Variants in TRIM24 observed in about 807,000 individuals in gnomAD.
TRIM24 encodes the protein transcription intermediary factor 1-alpha.
Under a neutral mutation model 123.9 loss-of-function variants are expected in TRIM24, and 29 were observed. The ratio of observed to expected loss-of-function variants is 0.23; its 90% CI spans 0.17 to 0.32. The LOEUF is 0.32. Ranked by LOEUF, TRIM24 falls within the 10% of genes least tolerant of loss-of-function variation. TRIM24 has a pLI of 1.00. For synonymous variants in TRIM24, 456 were observed against 461.1 expected, an observed-to-expected ratio of 0.99 and a Z score of 0.14; for missense variants, 932 against 1,295.3, an observed-to-expected ratio of 0.72 and a Z score of 4.31.
chr7:138,525,694 G>C (rs73164641), intron 5 of TRIM24, among the ~76,000 whole-genome samples: 4,031 of 152,114 alleles, frequency 0.026, 68 homozygotes, highest in Non-Finnish European at 0.042. Context: ...TTTAACACTT[G>C]AATAAACCCT....
intron 3 of TRIM24, 147 bp from the exon 4 acceptor site, chr7:138,519,042 C>A: frequency 1.1e-6 from 1 of 874,528 alleles, no homozygotes; most frequent in South Asian, 1.8e-5. Context: ...ATCTTAATAT[C>A]TGTAATTCTT....
chr7:138,512,423 G>T (rs1796309573), intron 2 of TRIM24, among the ~76,000 whole-genome samples: 1 of 152,150 alleles, frequency 6.6e-6, no homozygotes, highest in African/African-American at 2.4e-5. Context: ...GGTTCTCCGT[G>T]AAGGCTCTGC....
intron 14 of TRIM24, 103 bp downstream of exon 14, chr7:138,577,691 G>T: frequency 1.0e-6 from 1 of 958,436 alleles, no homozygotes; most frequent in South Asian, 3.4e-5. Context: ...ATATTTAAAA[G>T]GATTTAAAGA....
chr7:138,559,777 T>C (rs1797387969), intron 9 of TRIM24, among the ~76,000 whole-genome samples: 3 of 152,222 alleles, frequency 2.0e-5, no homozygotes, highest in Non-Finnish European at 4.4e-5. Context: ...TTCCTGCAAC[T>C]TTAACAGCAG....
At chr7:138,582,466 T>C (rs577170943) in intron 17 of TRIM24, among the ~76,000 whole-genome samples, 187 of 146,556 alleles carry the variant, frequency 1.3e-3, no homozygotes, top group African/African-American at 4.6e-3. Context: ...GGCGTGAACC[T>C]GGGAGGCGGA....
intron 2 of TRIM24, among the ~76,000 whole-genome samples, chr7:138,507,344 A>C (rs1180363615): frequency 1.3e-5 from 2 of 150,076 alleles, no homozygotes; most frequent in African/African-American, 2.4e-5. Context: ...CAGCCATTAT[A>C]TGATTTCATC....
intron 2 of TRIM24, chr7:138,514,508 T>C (rs932919326): frequency 2.0e-5 from 3 of 152,220 alleles, no homozygotes; most frequent in African/African-American, 7.2e-5. Context: ...CTTCGTTCAG[T>C]TCTTTGAACC....
chr7:138,539,094 A>G (rs1301391355), intron 7 of TRIM24, among the ~76,000 whole-genome samples: 4 of 152,194 alleles, frequency 2.6e-5, no homozygotes, highest in Admixed American at 6.5e-5. Flanking sequence ...GATTATCTAT[A>G]GTGTGCCAGG....
At chr7:138,539,434 G>T (rs1401988649) in intron 7 of TRIM24, among the ~76,000 whole-genome samples, 1 of 152,090 alleles carries the variant, frequency 6.6e-6, no homozygotes, top group African/African-American at 2.4e-5. Context: ...GAGGATTCTG[G>T]TCAGGAGATC....
chr7:138,520,357 G>T (rs1469752431), intron 4 of TRIM24, among the ~76,000 whole-genome samples: 1 of 152,172 alleles, frequency 6.6e-6, no homozygotes, highest in Non-Finnish European at 1.5e-5. Flanking sequence ...TCATATCGCT[G>T]GCTCCTCAAG....
At chr7:138,580,879 A>G (rs887546987) in intron 16 of TRIM24, among the ~76,000 whole-genome samples, 185 bp downstream of exon 16, 6 of 152,228 alleles carry the variant, frequency 3.9e-5, no homozygotes, top group African/African-American at 1.4e-4. Flanking sequence ...AAAAAATCAC[A>G]GAATTAATGC....
chr7:138,536,278 G>A (rs2116602760), intron 6 of TRIM24, among the ~76,000 whole-genome samples: 1 of 152,320 alleles, frequency 6.6e-6, no homozygotes, highest in Middle Eastern at 3.4e-3. Flanking sequence ...TTCCTTTGGA[G>A]GGGGAGAGGC....
rs528478165 is a variant in TRIM24, at chr7:138,566,870, G to A, written c.1531-611G>A. ...TTTGTTCATTTTGAGTACACCCACTGAGCCAGATTACTTGTTCAAATCCCA... is the reference window on the plus strand; with the variant it reads ...TTTGTTCATTTTGAGTACACCCACTAAGCCAGATTACTTGTTCAAATCCCA... On this transcript the variant is annotated intron_variant, in intron 9 of 18. Transcript: ENST00000343526. 1.9e-4 allele frequency among the ~76,000 whole-genome samples: 29 copies of A among 152,184 alleles called. 1 individual carries two copies. In the South Asian group the frequency reaches 5.8e-3, roughly 31 times the overall value.
intron 1 of TRIM24, among the ~76,000 whole-genome samples, chr7:138,482,598 ACCGACT>A (rs1317227010): frequency 6.6e-6 from 1 of 152,160 alleles, no homozygotes; most frequent in African/African-American, 2.4e-5. Flanking sequence ...TGCTTTCTTT[ACCGACT>A]CGTTAAGTAT....
chr7:138,483,408 G>A (rs1795574734), intron 1 of TRIM24, among the ~76,000 whole-genome samples: 1 of 151,938 alleles, frequency 6.6e-6, no homozygotes, highest in Non-Finnish European at 1.5e-5. Flanking sequence ...TTATCATGCT[G>A]CCTAAATTCT....
rs369547493 is a variant in TRIM24, at chr7:138,466,711, C to A, written c.364+5799C>A. Among the ~76,000 whole-genome samples the A allele has an allele frequency of 2.6e-5, 4 of 151,986 alleles. No individual in the cohort carries two copies. The East Asian group carries it at 5.8e-4, about 22-fold the overall frequency. On this transcript the variant is annotated intron_variant, in intron 1 of 18. Transcript: ENST00000343526. The stretch of plus-strand genomic sequence containing the variant: ...TTTATATATATTCTATATCTAGGTC[C>A]TTTGTCAGATACATGTATTGCAGGT...
intron 4 of TRIM24, among the ~76,000 whole-genome samples, chr7:138,521,599 A>G (rs535085594): frequency 8.1e-4 from 124 of 152,292 alleles, no homozygotes; most frequent in African/African-American, 2.6e-3. Flanking sequence ...TAGATCTACA[A>G]ATATACTATA....
chr7:138,468,406 A>G (rs1247206146), intron 1 of TRIM24, among the ~76,000 whole-genome samples: 1 of 152,010 alleles, frequency 6.6e-6, no homozygotes, highest in Non-Finnish European at 1.5e-5. Flanking sequence ...TTAAGGTGAA[A>G]TGTTCTTTGC....
chr7:138,545,780 G>A (rs760371340), intron 7 of TRIM24, among the ~76,000 whole-genome samples: 1 of 152,044 alleles, frequency 6.6e-6, no homozygotes, highest in Non-Finnish European at 1.5e-5. Context: ...GAGAATAATG[G>A]GGACATGTCA....
Sources: gnomAD v4.1 joint callset for allele counts (sites outside exome capture counted in the v4.1 genomes callset) on GRCh38, gnomAD v4.1.1 for gene constraint, MANE v1.5 for transcripts, NCBI Gene and HGNC (gene_info 2026-07-23, HGNC 2026-07-21) for gene names.